Variants in SLC35F4 observed in about 807,000 individuals in gnomAD.
SLC35F4 encodes chromosome 14 open reading frame 36.
In SLC35F4, 24 loss-of-function variants were observed where a neutral mutation model predicts 44.2. The ratio of observed to expected loss-of-function variants is 0.54; its 90% CI spans 0.39 to 0.76. SLC35F4 has a LOEUF of 0.76. Ranked by LOEUF, SLC35F4 falls within the 30% of genes least tolerant of loss-of-function variation. The probability of loss-of-function intolerance (pLI) is 0.00; values close to 1 mark genes in which losing one functional copy is unlikely to be tolerated. For synonymous variants in SLC35F4, 238 were observed against 223.6 expected, an observed-to-expected ratio of 1.06 and a Z score of -0.57; for missense variants, 562 against 586.1, an observed-to-expected ratio of 0.96 and a Z score of 0.42.
At chr14:57,945,201 C>T (rs1031899935) in intron 1 of SLC35F4, among the ~76,000 whole-genome samples, 3 of 152,044 alleles carry the variant, frequency 2.0e-5, no homozygotes, top group African/African-American at 7.3e-5. Flanking sequence ...TGACATACTA[C>T]CCTGTTAAGG....
Position 57,916,975 on chromosome 14 carries a change from C to T in SLC35F4, n.282+64938G>A, listed in dbSNP as rs565077161. Among the ~76,000 whole-genome samples, 15 of 152,186 alleles carry T rather than the reference C, an allele frequency of 9.9e-5. No individual in the cohort carries two copies. The South Asian group carries it at 2.9e-3, about 29-fold the overall frequency. ...TTAGAGTTTTTGATCTCCATTATTA[C>T]TTTTTTATTCTTCCTTAGAATTTAT... On this transcript the variant is annotated intron_variant and non_coding_transcript_variant, in intron 1 of 1. Coordinates refer to the SLC35F4 transcript ENST00000556568.
rs772117145 is a variant in SLC35F4 at position 57,581,317 on chromosome 14, T to G, written c.704A>C (p.Lys235Thr). Residue 235 changes from lysine to threonine, a missense_variant, in exon 4 of 8, where the codon AAG becomes ACG. Transcript: ENST00000556826. ...GGAGACATCCGTGGCCGTCAGCTTCTTTAAAGCCAGTAAATAAAGGTAATT... is the reference window on the plus strand; with the variant it reads ...GGAGACATCCGTGGCCGTCAGCTTCGTTAAAGCCAGTAAATAAAGGTAATT... Reference protein sequence around the residue: ...LTNYLYLLALKKLTATDVSAL... With the variant: ...LTNYLYLLALTKLTATDVSAL... The G allele has an allele frequency of 6.2e-7, 1 of 1,613,722 alleles. No homozygotes were observed. Among genetic ancestry groups the G allele is most frequent in the Admixed American group, 1.7e-5 (1 of 59,946 alleles).
intron 1 of SLC35F4, among the ~76,000 whole-genome samples, chr14:57,812,473 C>T (rs1166189776): frequency 6.6e-6 from 1 of 152,186 alleles, no homozygotes; most frequent in Admixed American, 6.5e-5. Context: ...TATATTCACA[C>T]ATCTCTGAGA....
downstream of SLC35F4, chr14:57,976,656 T>C (rs1019725024): frequency 6.6e-6 from 1 of 152,340 alleles, no homozygotes; most frequent in South Asian, 2.1e-4. Context: ...AACCATGAAC[T>C]TAAATGATGA....
At chr14:57,637,523 C>CT (rs1566712389) in intron 1 of SLC35F4, among the ~76,000 whole-genome samples, 2 of 151,940 alleles carry the variant, frequency 1.3e-5, no homozygotes, top group East Asian at 3.9e-4. Context: ...AAGAAACACA[C>CT]GCAAATGTCC....
chr14:57,822,428 G>T (rs986809451), intron 1 of SLC35F4, among the ~76,000 whole-genome samples: 14 of 152,280 alleles, frequency 9.2e-5, no homozygotes, highest in African/African-American at 3.4e-4. Context: ...TAAGGAATTA[G>T]CAGACAGTTG....
At chr14:57,771,526 A>C (rs561051133) in intron 1 of SLC35F4, among the ~76,000 whole-genome samples, 1 of 152,132 alleles carries the variant, frequency 6.6e-6, no homozygotes, top group Non-Finnish European at 1.5e-5. Context: ...AATCTGCTAC[A>C]AATTGTTTTC....
chr14:57,864,063 G>A (rs968416893), intron 1 of SLC35F4, among the ~76,000 whole-genome samples: 1 of 152,064 alleles, frequency 6.6e-6, no homozygotes, highest in African/African-American at 2.4e-5. Context: ...TTTTTGGGTT[G>A]TTCATTGTTA....
chr14:57,684,524 C>A (rs1322726253), intron 1 of SLC35F4, among the ~76,000 whole-genome samples: 1 of 152,200 alleles, frequency 6.6e-6, no homozygotes, highest in Non-Finnish European at 1.5e-5. Flanking sequence ...TGAGAGGAGG[C>A]AGAGCTCAGG....
intron 1 of SLC35F4, among the ~76,000 whole-genome samples, chr14:57,812,546 A>C (rs1882090747): frequency 6.6e-6 from 1 of 152,168 alleles, no homozygotes; most frequent in South Asian, 2.1e-4. Flanking sequence ...GGAGTAAAGG[A>C]GCTGTCCTAT....
chr14:57,701,025 C>T (rs1015691058), intron 1 of SLC35F4, among the ~76,000 whole-genome samples: 4 of 152,064 alleles, frequency 2.6e-5, no homozygotes, highest in African/African-American at 7.2e-5. Flanking sequence ...CCTATAAAGA[C>T]AGGGTCTCAC....
chr14:57,862,561 G>A (rs1430097289), intron 1 of SLC35F4, among the ~76,000 whole-genome samples: 2 of 152,108 alleles, frequency 1.3e-5, no homozygotes, highest in Non-Finnish European at 2.9e-5. Context: ...AGCCATACAG[G>A]CCTCCCTGCT....
chr14:57,854,707 A>C (rs922502070), intron 1 of SLC35F4, among the ~76,000 whole-genome samples: 6 of 152,182 alleles, frequency 3.9e-5, no homozygotes, highest in African/African-American at 1.4e-4. Flanking sequence ...TCTGCCACTC[A>C]CTGGCTGTCG....
At chr14:57,620,979 C>T (rs954065584) in intron 1 of SLC35F4, among the ~76,000 whole-genome samples, 4 of 151,874 alleles carry the variant, frequency 2.6e-5, no homozygotes, top group Non-Finnish European at 5.9e-5. Context: ...TCTCAGGATA[C>T]AAAATCAAGG....
chr14:57,857,300 C>G (rs1382853207), intron 1 of SLC35F4, among the ~76,000 whole-genome samples: 1 of 151,732 alleles, frequency 6.6e-6, no homozygotes, highest in Non-Finnish European at 1.5e-5. Flanking sequence ...TGCCTTTTCC[C>G]CCATTGAAGC....
At position 57,817,174 on chromosome 14, in the gene SLC35F4, C is replaced by T. The variant is rs139212607; in HGVS notation, c.103+48549G>A. ...TGCATTTGAACAGTATGGGGGAATG[C>T]GAATTATAAGGATTGTGGGGTTGGC... On this transcript the variant is annotated intron_variant, in intron 1 of 7. Coordinates refer to ENST00000556826, the MANE Select transcript of SLC35F4 (RefSeq NM_001306087.2). Among the ~76,000 whole-genome samples, 453 of 152,186 alleles carry T rather than the reference C, an allele frequency of 3.0e-3. 4 individuals carry two copies. Among genetic ancestry groups the T allele is most frequent in the Middle Eastern group, 0.02 (6 of 294 alleles).
At chr14:57,669,083 T>C (rs1007618524) in intron 1 of SLC35F4, among the ~76,000 whole-genome samples, 1 of 152,098 alleles carries the variant, frequency 6.6e-6, no homozygotes, top group Non-Finnish European at 1.5e-5. Context: ...TTTTATTCTC[T>C]TTGAAGCAAT....
chr14:57,741,211 C>T (rs1424930381), intron 1 of SLC35F4, among the ~76,000 whole-genome samples: 6 of 152,156 alleles, frequency 3.9e-5, no homozygotes, highest in Non-Finnish European at 7.4e-5. Flanking sequence ...TCGCCAGCAA[C>T]GGAACAAAGC....
intron 1 of SLC35F4, among the ~76,000 whole-genome samples, chr14:57,645,789 T>C (rs180736918): frequency 8.6e-5 from 13 of 151,504 alleles, no homozygotes; most frequent in African/African-American, 2.6e-4. Flanking sequence ...TATTTTGAGA[T>C]ACGTCCCATC....
Sources: gnomAD v4.1 joint callset for allele counts (sites outside exome capture counted in the v4.1 genomes callset) on GRCh38, gnomAD v4.1.1 for gene constraint, MANE v1.5 for transcripts, NCBI Gene and HGNC (gene_info 2026-07-23, HGNC 2026-07-21) for gene names.